Variants in TRPM3 observed in about 807,000 individuals in gnomAD.
TRPM3 encodes the protein long transient receptor potential channel 3.
Under a neutral mutation model 181.2 loss-of-function variants are expected in TRPM3, and 77 were observed. That is an observed-to-expected ratio of 0.42 (90% CI 0.35 to 0.51). The LOEUF (loss-of-function observed/expected upper bound fraction) is 0.51, where lower values mean the gene tolerates loss of function less well. Among genes scored for constraint, TRPM3 ranks in the 20% least tolerant of loss-of-function variants. TRPM3 has a pLI of 0.01. For missense variants in TRPM3, 1,759 were observed against 2,196.7 expected, an observed-to-expected ratio of 0.80 and a Z score of 3.98; for synonymous variants, 745 against 796.4, an observed-to-expected ratio of 0.94 and a Z score of 1.09.
chr9:70,939,870 A>G (rs1054082992), intron 1 of TRPM3, among the ~76,000 whole-genome samples: 5 of 152,230 alleles, frequency 3.3e-5, no homozygotes, highest in African/African-American at 1.2e-4. Flanking sequence ...TGAAGGTGGC[A>G]TGTAAATAAA....
rs1294068769 is a variant in TRPM3, at chr9:71,445,472, C to T, written c.183+1181G>A. 5.9e-5 allele frequency among the ~76,000 whole-genome samples: 9 copies of T among 152,266 alleles called. No individual in the cohort carries two copies. The East Asian group carries it at 1.2e-3, about 20-fold the overall frequency. On this transcript the variant is annotated intron_variant, in intron 1 of 24. Coordinates refer to the TRPM3 transcript ENST00000357533. ...CTATACCCATATTTAGATGAAAAAA[C>T]CTGCTCACAAAAAACATTAAGTATT...
At chr9:71,045,989 C>CA (rs1565063939) in intron 1 of TRPM3, among the ~76,000 whole-genome samples, 1 of 145,316 alleles carries the variant, frequency 6.9e-6, no homozygotes, top group African/African-American at 2.5e-5. Context: ...ATTGCCTACA[C>CA]TTTTTTTTTT....
chr9:70,644,448 G>T (rs1214357696), intron 9 of TRPM3, among the ~76,000 whole-genome samples: 1 of 152,070 alleles, frequency 6.6e-6, no homozygotes, highest in Non-Finnish European at 1.5e-5. Flanking sequence ...GACAACCAAC[G>T]ACAAAAACCA....
chr9:70,941,264 G>T (rs2096883262), intron 1 of TRPM3, among the ~76,000 whole-genome samples: 1 of 152,200 alleles, frequency 6.6e-6, no homozygotes, highest in South Asian at 2.1e-4. Flanking sequence ...AGACGGAAGA[G>T]CAGACTTGCT....
intron 1 of TRPM3, among the ~76,000 whole-genome samples, chr9:71,101,187 T>G (rs1433440326): frequency 1.3e-5 from 2 of 152,152 alleles, no homozygotes; most frequent in African/African-American, 4.8e-5. Flanking sequence ...GCATCAGTGA[T>G]TTCAGGATTG....
chr9:70,743,049 G>A (rs943134286), intron 8 of TRPM3, among the ~76,000 whole-genome samples: 3 of 152,180 alleles, frequency 2.0e-5, no homozygotes, highest in African/African-American at 4.8e-5. Context: ...GATAGAGATG[G>A]AGAATTATAG....
intron 7 of TRPM3, among the ~76,000 whole-genome samples, chr9:70,783,618 C>T (rs1294244628): frequency 6.6e-6 from 1 of 152,046 alleles, no homozygotes; most frequent in Non-Finnish European, 1.5e-5. Flanking sequence ...CTTTCCCAGC[C>T]CGTCTAGAGA....
chr9:70,915,561 T>A (rs190244590), intron 1 of TRPM3, among the ~76,000 whole-genome samples: 1 of 151,920 alleles, frequency 6.6e-6, no homozygotes, highest in Non-Finnish European at 1.5e-5. Flanking sequence ...CGCCTTGGCC[T>A]CCCACAGTGC....
At chr9:70,538,238 T>C (rs1412237440) in intron 25 of TRPM3, among the ~76,000 whole-genome samples, 1 of 152,214 alleles carries the variant, frequency 6.6e-6, no homozygotes, top group Non-Finnish European at 1.5e-5. Flanking sequence ...TATATTACAG[T>C]TATTGCTAGA....
At chr9:71,357,361 C>T (rs990247564) in intron 1 of TRPM3, among the ~76,000 whole-genome samples, 5 of 152,100 alleles carry the variant, frequency 3.3e-5, no homozygotes, top group Admixed American at 2.6e-4. Flanking sequence ...ATTCTTCAAG[C>T]GCCATTATCC....
At chr9:70,829,406 A>C (rs147282505) in intron 5 of TRPM3, among the ~76,000 whole-genome samples, 1 of 152,148 alleles carries the variant, frequency 6.6e-6, no homozygotes, top group Non-Finnish European at 1.5e-5. Flanking sequence ...TGAATAGGCA[A>C]ACTTGAGACA....
chr9:71,365,685 G>A (rs1227223900), intron 1 of TRPM3, among the ~76,000 whole-genome samples: 1 of 152,136 alleles, frequency 6.6e-6, no homozygotes, highest in African/African-American at 2.4e-5. Context: ...AGAAGAATCT[G>A]GAGCCAAACA....
At chr9:71,040,252 A>G (rs560583937) in intron 1 of TRPM3, among the ~76,000 whole-genome samples, 93 of 152,356 alleles carry the variant, frequency 6.1e-4, no homozygotes, top group Non-Finnish European at 1.1e-3. Flanking sequence ...TCTTTATAAA[A>G]ATAGTTTATT....
At chr9:70,972,553 G>A (rs2097257901) in intron 1 of TRPM3, among the ~76,000 whole-genome samples, 1 of 152,174 alleles carries the variant, frequency 6.6e-6, no homozygotes, top group Non-Finnish European at 1.5e-5. Context: ...CGAGAGTGAT[G>A]AGGGATGCAC....
chr9:71,342,766 T>C (rs922735453), intron 1 of TRPM3, among the ~76,000 whole-genome samples: 3 of 152,142 alleles, frequency 2.0e-5, no homozygotes, highest in Admixed American at 1.3e-4. Flanking sequence ...ACAACATATT[T>C]GTAGCAGCAG....
chr9:70,842,223 A>G (rs1458290161), intron 5 of TRPM3, among the ~76,000 whole-genome samples: 1 of 152,072 alleles, frequency 6.6e-6, no homozygotes, highest in Non-Finnish European at 1.5e-5. Flanking sequence ...GAGAAATGCA[A>G]GCCCCTGGGG....
At chr9:71,378,113 G>A (rs1156525241) in intron 1 of TRPM3, among the ~76,000 whole-genome samples, 1 of 151,824 alleles carries the variant, frequency 6.6e-6, no homozygotes, top group South Asian at 2.1e-4. Context: ...TAGATCAAAA[G>A]TTTAAAAAAA....
intron 1 of TRPM3, among the ~76,000 whole-genome samples, chr9:71,160,397 C>G (rs1369114480): frequency 6.6e-6 from 1 of 152,094 alleles, no homozygotes; most frequent in African/African-American, 2.4e-5. Context: ...ATTTATCTCT[C>G]TCTACTTACA....
intron 1 of TRPM3, among the ~76,000 whole-genome samples, chr9:71,119,316 T>G (rs1380100775): frequency 6.6e-6 from 1 of 152,148 alleles, no homozygotes; most frequent in East Asian, 1.9e-4. Flanking sequence ...AATAAATTAT[T>G]ACAAAGCATC....
Sources: allele counts gnomAD v4.1 joint callset (sites outside exome capture counted in the v4.1 genomes callset), GRCh38; gene constraint gnomAD v4.1.1; transcripts MANE v1.5; gene names NCBI Gene and HGNC (gene_info 2026-07-23, HGNC 2026-07-21).